ARFGAP1: variants seen among roughly 807,000 people sequenced by gnomAD.
ARFGAP1 encodes the protein ADP-ribosylation factor GTPase-activating protein 1.
A neutral mutation model predicts 54.0 loss-of-function variants in ARFGAP1; 26 were observed. That is an observed-to-expected ratio of 0.48 (90% CI 0.35 to 0.67). The LOEUF is 0.67. Ranked by LOEUF, ARFGAP1 falls within the 30% of genes least tolerant of loss-of-function variation. The pLI is 0.00. For synonymous variants in ARFGAP1, 248 were observed against 211.9 expected (o/e 1.17, Z -1.48); for missense variants, 525 against 535.8 (o/e 0.98, Z 0.20).
At chr20:63,284,485 G>T (rs2067471492) in intron 9 of ARFGAP1, 3 of 1,120,800 alleles carry the variant, frequency 2.7e-6, no homozygotes, top group East Asian at 6.3e-5. Flanking sequence ...CTCGGTGCCT[G>T]CCTGGGGAGG....
chr20:63,282,705 G>A (rs2067415945), intron 8 of ARFGAP1, 114 bp from the exon 9 acceptor site: 2 of 1,078,214 alleles, frequency 1.9e-6, no homozygotes, highest in African/African-American at 1.6e-5. Flanking sequence ...AGAGCCGCTG[G>A]CAGCCCGGGG....
intron 1 of ARFGAP1, among the ~76,000 whole-genome samples, chr20:63,275,145 G>A (rs145962219): frequency 9.1e-4 from 138 of 152,348 alleles, no homozygotes; most frequent in Middle Eastern, 6.8e-3. Context: ...GCTCCCTGTC[G>A]TTGGCAGTGA....
rs113715855 is a variant in ARFGAP1, at chr20:63,284,450, C to T, written c.718-416C>T. The T allele has an allele frequency of 1.2e-3, 1,341 of 1,102,438 alleles. 6 individuals carry two copies. The highest frequency in any genetic ancestry group is 0.011 in the South Asian group (428 of 37,514). The allele number at this position is 1,102,438 out of a possible 1,614,324, so 68.3% of individuals were successfully genotyped here. On this transcript the variant is annotated intron_variant, in intron 9 of 12. Transcript: ENST00000370283. The stretch of plus-strand genomic sequence containing the variant: ...AGCTTCTTCCTATGGCCCCAGCCTC[C>T]GTGCCCTCTTCCCTCCAGGGGGGAC...
At chr20:63,284,709 G>T in intron 9 of ARFGAP1, 157 bp from the exon 10 acceptor site, 9 of 1,472,008 alleles carry the variant, frequency 6.1e-6, no homozygotes, top group Non-Finnish European at 8.1e-6. Context: ...CGGGTGTTGT[G>T]TGCAAAGCCC....
chr20:63,277,595 C>T (rs560323199), intron 5 of ARFGAP1, among the ~76,000 whole-genome samples: 4 of 152,316 alleles, frequency 2.6e-5, no homozygotes, highest in African/African-American at 4.8e-5. Context: ...CATCTGCTCA[C>T]GGGGGTGTTG....
rs1028623253 is a variant in ARFGAP1, at chr20:63,287,645, C to T, written c.993C>T (p.Thr331=). Residue 331 remains threonine (T), a synonymous_variant, in exon 13 of 13, where the codon ACC becomes ACT. Transcript: ENST00000370283. ...NSNIDQSFWE[T]FGSAEPTKTR... ...ACATAGACCAGAGCTTCTGGGAGAC[C>T]TTTGGAAGTGCTGAGCCCACCAAGA... is the stretch of plus-strand genomic sequence containing the variant. The T allele has an allele frequency of 1.1e-5, 18 of 1,612,484 alleles. No individual in the cohort carries two copies. The highest frequency in any genetic ancestry group is 1.4e-5 in the Non-Finnish European group (16 of 1,179,942).
Position 63,287,617 on chromosome 20 carries a change from G to A in ARFGAP1, c.965G>A (p.Ser322Asn). 1 of 1,612,072 alleles carries A rather than the reference G, an allele frequency of 6.2e-7. No homozygotes were observed. The highest frequency in any genetic ancestry group is 8.5e-7 in the Non-Finnish European group (1 of 1,179,478). Residue 322 changes from serine to asparagine, a missense_variant, in exon 13 of 13, where the codon AGC becomes AAC. Physicochemically the swap from Ser to Asn is conservative, Grantham distance 46. Around this residue, in one of 3 missense-constraint regions of ARFGAP1, gnomAD observed 466 missense variants for 453.6 expected, o/e 1.03. Transcript: ENST00000370283. ...AGCGGTCTGGACCACTTCCAAAACAGCAACATAGACCAGAGCTTCTGGGAG... is the reference window on the plus strand; with the variant it reads ...AGCGGTCTGGACCACTTCCAAAACAACAACATAGACCAGAGCTTCTGGGAG... ...QNSGLDHFQN[S>N]NIDQSFWETF...
At chr20:63,287,477 C>A in intron 12 of ARFGAP1, 87 bp from the exon 13 acceptor site, 1 of 1,318,226 alleles carries the variant, frequency 7.6e-7, no homozygotes, top group Non-Finnish European at 1.0e-6. Flanking sequence ...CGGTCACTGT[C>A]CAGGTGCAGA....
chr20:63,275,109 G>A lies in ARFGAP1; in HGVS notation c.-4-468G>A, dbSNP rs142387969. 3.0e-4 allele frequency among the ~76,000 whole-genome samples: 45 copies of A among 152,338 alleles called. 1 individual carries two copies. Among genetic ancestry groups the A allele is most frequent in the African/African-American group, 9.1e-4 (38 of 41,580 alleles). On this transcript the variant is annotated intron_variant, in intron 1 of 12. Coordinates refer to ENST00000370283, the MANE Select transcript of ARFGAP1 (RefSeq NM_018209.4). Reference sequence around the variant, plus strand: ...CCTGCACTGCGTTGGGAAGGTGGTGGGGAGGGTGGAGCGCAGAGTCCCTGG... The same window carrying A: ...CCTGCACTGCGTTGGGAAGGTGGTGAGGAGGGTGGAGCGCAGAGTCCCTGG...
At chr20:63,285,848 G>A in intron 11 of ARFGAP1, 135 bp downstream of exon 11, 1 of 1,462,404 alleles carries the variant, frequency 6.8e-7, no homozygotes, top group South Asian at 1.2e-5. Context: ...TGAGACGGGA[G>A]GAGAGCTGCC....
chr20:63,287,960 C>A lies in ARFGAP1; in HGVS notation c.*87C>A. ...TCGTTCCTCCTCCTTCCATTTGACC[C>A]AAGAATCAGCAACTGCAGTGTGAGG... On this transcript the variant is annotated 3_prime_UTR_variant, in exon 13 of 13. Coordinates refer to ENST00000370283, the MANE Select transcript of ARFGAP1 (RefSeq NM_018209.4). 7.3e-7 allele frequency: 1 copy of A among 1,368,764 alleles called. No homozygotes were observed. The highest frequency in any genetic ancestry group is 9.7e-7 in the Non-Finnish European group (1 of 1,033,626). 84.8% of individuals were successfully genotyped at this position (1,368,764 alleles called of 1,614,324 possible). A position where few individuals can be genotyped will look rare whatever the true frequency, so the allele number is the denominator to read the frequency against.
Position 63,285,346 on chromosome 20 carries a change from CG to C in ARFGAP1, c.775-304del, listed in dbSNP as rs2067502965. On this transcript the variant is annotated intron_variant, in intron 10 of 12. Coordinates refer to ENST00000370283, the MANE Select transcript of ARFGAP1 (RefSeq NM_018209.4). ...AGCCCCGCCAGCTCCCTGCCTCCTT[CG>C]GGGCCTGACTGGGACAAGTGGGGAA... 7 of 514,910 alleles carry C rather than the reference CG, an allele frequency of 1.4e-5. No homozygotes were observed. The South Asian group carries it at 1.6e-4, about 12-fold the overall frequency. The allele number at this position is 514,910 out of a possible 1,614,324, so 31.9% of individuals were successfully genotyped here.
At chr20:63,285,917 C>T in intron 11 of ARFGAP1, 1 of 1,472,814 alleles carries the variant, frequency 6.8e-7, no homozygotes, top group Non-Finnish European at 9.1e-7. Flanking sequence ...CGGTCAGCCA[C>T]TAACTGTCAC....
At chr20:63,281,268 C>T in intron 7 of ARFGAP1, 23 bp from the exon 8 acceptor site, 1 of 1,588,816 alleles carries the variant, frequency 6.3e-7, no homozygotes, top group East Asian at 2.3e-5. Flanking sequence ...CCTGATGTGG[C>T]TGCTCTTTGT....
In ARFGAP1 at chr20:63,275,654, C is replaced by T; in HGVS notation, c.60+14C>T. The T allele has an allele frequency of 3.1e-6, 5 of 1,612,734 alleles. No individual in the cohort carries two copies. Among genetic ancestry groups the T allele is most frequent in the Non-Finnish European group, 4.2e-6 (5 of 1,179,176 alleles). ...GATGAGAACAACGTAAGCCTCTGCCCCCCACCCCCCGCCCTAAGGCTTGGT... is the reference window on the plus strand; with the variant it reads ...GATGAGAACAACGTAAGCCTCTGCCTCCCACCCCCCGCCCTAAGGCTTGGT... On this transcript the variant is annotated intron_variant, in intron 2 of 12. Transcript: ENST00000370283.
intron 8 of ARFGAP1, 112 bp downstream of exon 8, chr20:63,281,459 C>T: frequency 7.5e-7 from 1 of 1,333,944 alleles, no homozygotes; most frequent in Non-Finnish European, 1.0e-6. Flanking sequence ...CAGAGGGTTT[C>T]TGGGTGCTGT....
chr20:63,284,833 G>T (rs767379396), intron 9 of ARFGAP1, 33 bp from the exon 10 acceptor site: 4 of 1,611,008 alleles, frequency 2.5e-6, no homozygotes, highest in Non-Finnish European at 2.5e-6. Flanking sequence ...TGGTGGAGCT[G>T]TCGTGGGGCT....
Position 63,288,822 on chromosome 20 carries a change from G to C in ARFGAP1, c.*949G>C, listed in dbSNP as rs561685232. On this transcript the variant is annotated 3_prime_UTR_variant, in exon 13 of 13. Coordinates refer to ENST00000370283, the MANE Select transcript of ARFGAP1 (RefSeq NM_018209.4). ...GATGATGTGCTGCCACGTGTGACTC[G>C]TCTCCCTTGTCTGCCCTGTGTGACC... The C allele has an allele frequency of 3.1e-6, 1 of 326,814 alleles. No individual in the cohort carries two copies. The highest frequency in any genetic ancestry group is 6.1e-6 in the Non-Finnish European group (1 of 163,970). 20.2% of individuals were successfully genotyped at this position (326,814 alleles called of 1,614,324 possible). A position where few individuals can be genotyped will look rare whatever the true frequency, so the allele number is the denominator to read the frequency against.
chr20:63,276,230 A>G lies in ARFGAP1; in HGVS notation c.170+30A>G. 6.2e-7 allele frequency: 1 copy of G among 1,610,210 alleles called. No individual in the cohort carries two copies. The highest frequency in any genetic ancestry group is 1.1e-5 in the South Asian group (1 of 91,016). On this transcript the variant is annotated intron_variant, in intron 3 of 12. Coordinates refer to ENST00000370283, the MANE Select transcript of ARFGAP1 (RefSeq NM_018209.4). This position sits in a 1 kb window ranked among gnomAD's most constrained non-coding sequence, Gnocchi z 5.2. ...GTGTCCTGCCGCTCTGGCTCTGCGG[A>G]GAGCCTGCGGCCACCCCAGCATCTG... is the stretch of plus-strand genomic sequence containing the variant.
Sources: allele counts gnomAD v4.1 joint callset (sites outside exome capture counted in the v4.1 genomes callset), GRCh38; gene constraint gnomAD v4.1.1; regional missense constraint gnomAD v4.1.1; non-coding constraint Gnocchi (gnomAD v3.1); transcripts MANE v1.5; gene names NCBI Gene and HGNC (gene_info 2026-07-23, HGNC 2026-07-21).